SNTG1: variants seen among roughly 807,000 people sequenced by gnomAD.
SNTG1 encodes the protein syntrophin gamma 1.
In SNTG1, 39 loss-of-function variants were observed where a neutral mutation model predicts 74.7. That is an observed-to-expected ratio of 0.52 (90% CI 0.40 to 0.68). The LOEUF is 0.68. SNTG1 is among the 30% of genes least tolerant of loss of function. The pLI is 0.00. For missense variants in SNTG1, 685 were observed against 609.5 expected, an observed-to-expected ratio of 1.12 and a Z score of -1.30; for synonymous variants, 254 against 217.1, an observed-to-expected ratio of 1.17 and a Z score of -1.49.
At chr8:50,525,495 T>C (rs2094212795) in intron 9 of SNTG1, among the ~76,000 whole-genome samples, 1 of 152,114 alleles carries the variant, frequency 6.6e-6, no homozygotes, top group African/African-American at 2.4e-5. Flanking sequence ...TTCGGACTTC[T>C]ATAAAGTGTC....
At chr8:50,549,217 TAA>T (rs2094408946) in intron 11 of SNTG1, among the ~76,000 whole-genome samples, 1 of 152,024 alleles carries the variant, frequency 6.6e-6, no homozygotes. Context: ...CCTGAAAAAT[TAA>T]AAGAGATGAC....
chr8:50,404,508 G>A (rs912447836), intron 4 of SNTG1, among the ~76,000 whole-genome samples: 5 of 151,860 alleles, frequency 3.3e-5, no homozygotes, highest in African/African-American at 7.3e-5. Context: ...TGATTTCAGC[G>A]CTTACTATAA....
At chr8:50,193,279 G>C (rs1482647148) in intron 2 of SNTG1, among the ~76,000 whole-genome samples, 1 of 152,134 alleles carries the variant, frequency 6.6e-6, no homozygotes, top group African/African-American at 2.4e-5. Context: ...ACCTATCCAT[G>C]AGCATGGGAT....
chr8:50,401,264 T>G (rs1258015903), intron 3 of SNTG1, among the ~76,000 whole-genome samples: 1 of 152,184 alleles, frequency 6.6e-6, no homozygotes, highest in Non-Finnish European at 1.5e-5. Context: ...ATATTCTATC[T>G]CAAAGGAATT....
intron 18 of SNTG1, among the ~76,000 whole-genome samples, chr8:50,783,731 C>A (rs894827818): frequency 1.3e-5 from 2 of 152,160 alleles, no homozygotes; most frequent in African/African-American, 4.8e-5. Context: ...TCTGGCACTC[C>A]CTAGTGAGAT....
intron 1 of SNTG1, among the ~76,000 whole-genome samples, chr8:50,093,196 T>C (rs1326152676): frequency 6.6e-6 from 1 of 152,114 alleles, no homozygotes; most frequent in African/African-American, 2.4e-5. Flanking sequence ...CAAACATTAA[T>C]ATACATATCC....
At chr8:50,546,957 T>G (rs1267205157) in intron 11 of SNTG1, among the ~76,000 whole-genome samples, 2 of 151,930 alleles carry the variant, frequency 1.3e-5, no homozygotes, top group Non-Finnish European at 2.9e-5. Context: ...AATTTTTGTG[T>G]TTTTTAGTAG....
intron 9 of SNTG1, among the ~76,000 whole-genome samples, chr8:50,503,922 C>T (rs186143319): frequency 8.9e-4 from 135 of 152,142 alleles, no homozygotes; most frequent in Non-Finnish European, 1.4e-3. Context: ...CATGGGGGTT[C>T]GTTGTACACA....
intron 2 of SNTG1, among the ~76,000 whole-genome samples, chr8:50,191,887 AG>A (rs1258564489): frequency 6.6e-6 from 1 of 152,174 alleles, no homozygotes; most frequent in East Asian, 1.9e-4. Context: ...GGACAATAAA[AG>A]GGAGAATTTC....
chr8:50,574,775 A>G (rs1004693614), intron 12 of SNTG1, among the ~76,000 whole-genome samples: 12 of 151,914 alleles, frequency 7.9e-5, no homozygotes, highest in East Asian at 5.8e-4. Context: ...TATTAATCCA[A>G]TGAAAGCCTA....
rs1319413578 is a variant in SNTG1 at position 50,120,261 on chromosome 8, ATACTAGCTAT to A, written c.-102-52285_-102-52276del. Among the ~76,000 whole-genome samples, 14 of 140,656 alleles carry A rather than the reference ATACTAGCTAT, an allele frequency of 1.0e-4. 2 individuals carry two copies. Among genetic ancestry groups the A allele is most frequent in the African/African-American group, 2.8e-4 (11 of 39,000 alleles). The allele number at this position is 140,656 out of a possible 152,430, so 92.3% of individuals were successfully genotyped here. On this transcript the variant is annotated intron_variant, in intron 1 of 18. Transcript: ENST00000642720. The stretch of plus-strand genomic sequence containing the variant: ...ACTTAAGAAAAAGTTAGATCTTAGT[ATACTAGCTAT>A]TACTAGCTATTACTGTCACTACTAT...
chr8:49,995,862 C>A (rs997700078), intron 1 of SNTG1, among the ~76,000 whole-genome samples: 1 of 152,166 alleles, frequency 6.6e-6, no homozygotes, highest in Admixed American at 6.5e-5. Flanking sequence ...ATTAGCTGAT[C>A]GCAAGATACT....
chr8:50,132,780 A>T (rs2081357124), intron 1 of SNTG1, among the ~76,000 whole-genome samples: 1 of 152,120 alleles, frequency 6.6e-6, no homozygotes, highest in Non-Finnish European at 1.5e-5. Flanking sequence ...CTGGTATAAA[A>T]TTCTCAAAAG....
At chr8:50,107,277 C>A (rs186968489) in intron 1 of SNTG1, among the ~76,000 whole-genome samples, 8 of 152,148 alleles carry the variant, frequency 5.3e-5, no homozygotes, top group Admixed American at 3.9e-4. Context: ...AGGTATGGAC[C>A]TTTTCCCCAT....
At position 50,484,191 on chromosome 8, in the gene SNTG1, T is replaced by TCCTG. The variant is rs1563453872; in HGVS notation, c.364-18584_364-18583insGCCT. 1.2e-4 allele frequency among the ~76,000 whole-genome samples: 16 copies of TCCTG among 128,200 alleles called. 1 individual carries two copies. The highest frequency in any genetic ancestry group is 2.4e-4 in the Non-Finnish European group (14 of 58,770). 84.1% of individuals were successfully genotyped at this position (128,200 alleles called of 152,430 possible). ...TTCCTTCCTTCCTTCCTTCCTTCCT[T>TCCTG]CCTTCCTTCCTTCCTTCCTTCCTTC... On this transcript the variant is annotated intron_variant, in intron 8 of 18. Transcript: ENST00000642720.
chr8:49,999,940 A>G (rs1479506410), intron 1 of SNTG1, among the ~76,000 whole-genome samples: 3 of 152,164 alleles, frequency 2.0e-5, no homozygotes, highest in African/African-American at 7.2e-5. Flanking sequence ...TTGTATTCCC[A>G]GGGCCTCGAT....
At chr8:50,182,334 G>A (rs1355092620) in intron 2 of SNTG1, among the ~76,000 whole-genome samples, 1 of 152,042 alleles carries the variant, frequency 6.6e-6, no homozygotes, top group Non-Finnish European at 1.5e-5. Context: ...GTGAGATAAT[G>A]GCAGATCAAC....
At chr8:50,729,406 C>T (rs2095507593) in intron 17 of SNTG1, among the ~76,000 whole-genome samples, 1 of 152,106 alleles carries the variant, frequency 6.6e-6, no homozygotes, top group Non-Finnish European at 1.5e-5. Flanking sequence ...CTCCAGAGAC[C>T]AAAGAGGTCT....
intron 8 of SNTG1, among the ~76,000 whole-genome samples, chr8:50,480,262 C>G (rs544660486): frequency 6.6e-6 from 1 of 151,870 alleles, no homozygotes; most frequent in Admixed American, 6.6e-5. Flanking sequence ...GTATGGTCAT[C>G]GTCTTTTTCT....
Sources: allele counts gnomAD v4.1 joint callset (sites outside exome capture counted in the v4.1 genomes callset), GRCh38; gene constraint gnomAD v4.1.1; transcripts MANE v1.5; gene names NCBI Gene and HGNC (gene_info 2026-07-23, HGNC 2026-07-21).